The following NELL2 variants were observed in gnomAD, a reference collection of about 807,000 sequenced individuals.
NELL2 encodes protein kinase C-binding protein NELL2.
In NELL2, 41 loss-of-function variants were observed where a neutral mutation model predicts 109.6. The observed-to-expected ratio is 0.37, with a 90% confidence interval of 0.29 to 0.49. The LOEUF is 0.49. Among genes scored for constraint, NELL2 ranks in the 20% least tolerant of loss-of-function variants. The pLI is 0.98. For synonymous variants in NELL2, 355 were observed against 344.7 expected, an observed-to-expected ratio of 1.03 and a Z score of -0.33; for missense variants, 900 against 1,008.3, an observed-to-expected ratio of 0.89 and a Z score of 1.45.
rs151251314 is a variant in NELL2 at position 44,531,940 on chromosome 12, C to G, written c.1804+641G>C. On this transcript the variant is annotated intron_variant, in intron 16 of 19. Transcript: ENST00000429094. ...GTCTGCCTGGTTTCTAAAAATCATG[C>G]CCCTTAAATAGAGGCTACAGAGGAG... Among the ~76,000 whole-genome samples, 110 of 152,252 alleles carry G rather than the reference C, an allele frequency of 7.2e-4. 1 individual carries two copies. The highest frequency in any genetic ancestry group is 3.7e-3 in the Admixed American group (57 of 15,286).
chr12:44,597,063 G>C (rs1372236684), intron 15 of NELL2, among the ~76,000 whole-genome samples: 2 of 152,138 alleles, frequency 1.3e-5, no homozygotes, highest in Non-Finnish European at 2.9e-5. Context: ...TCTAGACTCT[G>C]ATTGAACATG....
At chr12:44,645,370 C>T (rs1947057170) in intron 13 of NELL2, among the ~76,000 whole-genome samples, 1 of 152,162 alleles carries the variant, frequency 6.6e-6, no homozygotes, top group Non-Finnish European at 1.5e-5. Context: ...CAACAATTTG[C>T]TGACTTAGAC....
intron 1 of NELL2, among the ~76,000 whole-genome samples, chr12:44,910,322 C>T (rs1945765756): frequency 6.6e-6 from 1 of 151,934 alleles, no homozygotes; most frequent in South Asian, 2.1e-4. Context: ...ATAAGAGACA[C>T]TTTTCAAAAG....
intron 9 of NELL2, among the ~76,000 whole-genome samples, chr12:44,756,420 T>C (rs2136538380): frequency 6.6e-6 from 1 of 152,096 alleles, no homozygotes; most frequent in South Asian, 2.1e-4. Context: ...ATTAAAAAAA[T>C]TCCTGAGCCC....
At chr12:44,519,799 C>A (rs1941441948) in intron 19 of NELL2, among the ~76,000 whole-genome samples, 1 of 151,882 alleles carries the variant, frequency 6.6e-6, no homozygotes, top group South Asian at 2.1e-4. Context: ...GGTTTTAGTC[C>A]ATGCACTATC....
chr12:44,544,508 T>C (rs886954504), intron 15 of NELL2, among the ~76,000 whole-genome samples: 1 of 152,122 alleles, frequency 6.6e-6, no homozygotes, highest in Non-Finnish European at 1.5e-5. Context: ...GGTAATTTTC[T>C]GGTTTTGAGT....
intron 15 of NELL2, among the ~76,000 whole-genome samples, chr12:44,585,545 T>A: frequency 6.6e-6 from 1 of 152,152 alleles, no homozygotes; most frequent in Non-Finnish European, 1.5e-5. Flanking sequence ...TATATTATGA[T>A]ATATTTGCAT....
At chr12:44,813,791 T>TA (rs2070992000) in intron 3 of NELL2, among the ~76,000 whole-genome samples, 1 of 152,072 alleles carries the variant, frequency 6.6e-6, no homozygotes, top group African/African-American at 2.4e-5. Context: ...TTCTATAATC[T>TA]AAAACAATAA....
chr12:44,890,808 G>A (rs999373780), intron 1 of NELL2, among the ~76,000 whole-genome samples: 1 of 151,682 alleles, frequency 6.6e-6, no homozygotes, highest in Non-Finnish European at 1.5e-5. Flanking sequence ...TTGGCTCACC[G>A]CAATCTCCAC....
intron 1 of NELL2, among the ~76,000 whole-genome samples, chr12:44,910,580 C>T (rs1385816009): frequency 6.6e-6 from 1 of 151,912 alleles, no homozygotes; most frequent in Non-Finnish European, 1.5e-5. Flanking sequence ...ACAGAACTAC[C>T]ACTCAGCCCA....
intron 9 of NELL2, among the ~76,000 whole-genome samples, chr12:44,737,634 C>T (rs1414302150): frequency 6.6e-6 from 1 of 152,100 alleles, no homozygotes; most frequent in African/African-American, 2.4e-5. Flanking sequence ...GGCCACACAA[C>T]AATTGTGATC....
chr12:44,860,094 T>C (rs952655518), intron 2 of NELL2, among the ~76,000 whole-genome samples: 11 of 152,322 alleles, frequency 7.2e-5, no homozygotes, highest in Admixed American at 2.6e-4. Flanking sequence ...GACACTTGAT[T>C]TTACTCTATT....
chr12:44,776,432 G>A lies in NELL2; in HGVS notation c.763-282C>T, dbSNP rs117541508. On this transcript the variant is annotated intron_variant, in intron 7 of 19. Transcript: ENST00000429094. The stretch of plus-strand genomic sequence containing the variant: ...ATTCAAAACATCACTCAAATGCAGA[G>A]AAGCACTTTCCATTTAAAAGAAAAA... Among the ~76,000 whole-genome samples, 1,114 of 152,224 alleles carry A rather than the reference G, an allele frequency of 7.3e-3. 9 individuals carry two copies. The highest frequency in any genetic ancestry group is 0.012 in the Non-Finnish European group (818 of 68,010).
At chr12:44,808,262 G>A (rs1943069423) in intron 3 of NELL2, among the ~76,000 whole-genome samples, 1 of 152,116 alleles carries the variant, frequency 6.6e-6, no homozygotes, top group African/African-American at 2.4e-5. Context: ...TAACCTCTGT[G>A]TGTTAAAATG....
At chr12:44,760,470 T>C (rs1445995717) in intron 9 of NELL2, among the ~76,000 whole-genome samples, 1 of 152,126 alleles carries the variant, frequency 6.6e-6, no homozygotes, top group Non-Finnish European at 1.5e-5. Flanking sequence ...CGAGTGATGG[T>C]AGATTTGCTC....
chr12:44,833,417 G>T (rs775853842), intron 2 of NELL2, among the ~76,000 whole-genome samples: 27 of 152,098 alleles, frequency 1.8e-4, no homozygotes, highest in Non-Finnish European at 3.5e-4. Flanking sequence ...ACTACTTTGT[G>T]CTGCCTTATA....
At chr12:44,887,636 T>TTGTG (rs141640366) in intron 1 of NELL2, among the ~76,000 whole-genome samples, 58 of 149,236 alleles carry the variant, frequency 3.9e-4, no homozygotes, top group Admixed American at 1.0e-3. Flanking sequence ...GGGGGGATTA[T>TTGTG]TGTGTGTGTG....
At position 44,771,339 on chromosome 12, in the gene NELL2, G is replaced by GTT. The variant is rs140341898; in HGVS notation, c.994+3406_994+3407dup. Among the ~76,000 whole-genome samples the GTT allele has an allele frequency of 2.9e-3, 423 of 147,964 alleles. 4 individuals carry two copies. The highest frequency in any genetic ancestry group is 8.9e-3 in the African/African-American group (359 of 40,248). ...TCACTTAGATTAATTATAACAGATG[G>GTT]TTTTTTTAAAAAAAAAAAAGGAAAG... On this transcript the variant is annotated intron_variant, in intron 9 of 19. Coordinates refer to ENST00000429094, the MANE Select transcript of NELL2 (RefSeq NM_001145108.2).
At chr12:44,804,178 G>C (rs1029467275) in intron 3 of NELL2, among the ~76,000 whole-genome samples, 1 of 151,820 alleles carries the variant, frequency 6.6e-6, no homozygotes, top group Non-Finnish European at 1.5e-5. Context: ...ACAATCAAGT[G>C]TAATTTTTAC....
Sources: allele counts gnomAD v4.1 joint callset (sites outside exome capture counted in the v4.1 genomes callset), GRCh38; gene constraint gnomAD v4.1.1; transcripts MANE v1.5; gene names NCBI Gene and HGNC (gene_info 2026-07-23, HGNC 2026-07-21).